INPP5A: variants seen among roughly 807,000 people sequenced by gnomAD.
INPP5A encodes the protein inositol polyphosphate-5-phosphatase A.
A neutral mutation model predicts 65.2 loss-of-function variants in INPP5A; 14 were observed. That is an observed-to-expected ratio of 0.21 (90% CI 0.14 to 0.34). INPP5A has a LOEUF of 0.34. Ranked by LOEUF, INPP5A falls within the 10% of genes least tolerant of loss-of-function variation. INPP5A has a pLI of 1.00. For missense variants in INPP5A, 431 were observed against 545.6 expected (o/e 0.79, Z 2.09); for synonymous variants, 207 against 208.3 (o/e 0.99, Z 0.05).
intron 9 of INPP5A, among the ~76,000 whole-genome samples, chr10:132,740,467 TAGA>T (rs1176741056): frequency 1.2e-4 from 19 of 152,162 alleles, no homozygotes; most frequent in African/African-American, 3.1e-4. Flanking sequence ...TCACCATGAC[TAGA>T]AGAATTATTT....
At chr10:132,778,595 G>A (rs1046060148) in intron 13 of INPP5A, among the ~76,000 whole-genome samples, 12 of 152,178 alleles carry the variant, frequency 7.9e-5, no homozygotes, top group African/African-American at 2.2e-4. Flanking sequence ...GCGGGTGTGC[G>A]TGGGAACTGC....
In INPP5A at chr10:132,749,560, A is replaced by G; in HGVS notation, c.776A>G (p.Asp259Gly). ...KATMQTVRAA[D>G]TNEVVKLIFR... is the part of the protein sequence containing the mutation. The stretch of plus-strand genomic sequence containing the variant: ...ACCATGCAGACGGTCCGGGCCGCCG[A>G]CACCAATGAAGTGGTGAAGCTCATA... The change falls in exon 10 of 16, where the codon GAC (aspartate) becomes GGC (glycine). Residue 259 changes from aspartate to glycine, a missense_variant. By Grantham distance (94) the Asp-to-Gly change is moderately conservative. Transcript: ENST00000368594. The G allele has an allele frequency of 6.2e-7, 1 of 1,612,966 alleles. No homozygotes were observed. Among genetic ancestry groups the G allele is most frequent in the South Asian group, 1.1e-5 (1 of 91,078 alleles).
In INPP5A at chr10:132,729,295, T is replaced by C. The variant is rs150321348; in HGVS notation, c.732+2390T>C. ...ACATCTTCTCCTGCATCACCTGGCCTGCTCCCCTGGCCTCCCTAAGTGCCT... is the reference window on the plus strand; with the variant it reads ...ACATCTTCTCCTGCATCACCTGGCCCGCTCCCCTGGCCTCCCTAAGTGCCT... On this transcript the variant is annotated intron_variant, in intron 9 of 15. Transcript: ENST00000368594. Among the ~76,000 whole-genome samples the C allele has an allele frequency of 2.8e-3, 430 of 152,348 alleles. 7 individuals carry two copies. The highest frequency in any genetic ancestry group is 9.9e-3 in the African/African-American group (411 of 41,584).
At chr10:132,770,727 C>A (rs968712113) in intron 12 of INPP5A, among the ~76,000 whole-genome samples, 17 of 145,352 alleles carry the variant, frequency 1.2e-4, no homozygotes, top group African/African-American at 3.4e-4. Context: ...ACATAAGTAA[C>A]ATTTTTGTGA....
At chr10:132,610,472 C>T (rs1042478887) in intron 2 of INPP5A, among the ~76,000 whole-genome samples, 4 of 152,232 alleles carry the variant, frequency 2.6e-5, no homozygotes, top group African/African-American at 9.6e-5. Context: ...GCTGGACTTC[C>T]CAAGCGAGGT....
intron 4 of INPP5A, among the ~76,000 whole-genome samples, chr10:132,661,166 A>G (rs2072732364): frequency 6.6e-6 from 1 of 152,234 alleles, no homozygotes; most frequent in Admixed American, 6.5e-5. Flanking sequence ...TATGGTTTCA[A>G]AAACACAATC....
intron 12 of INPP5A, among the ~76,000 whole-genome samples, chr10:132,766,065 T>G (rs1258487565): frequency 6.6e-6 from 1 of 151,234 alleles, no homozygotes; most frequent in Non-Finnish European, 1.5e-5. Context: ...CGTATGCGTC[T>G]GTGTGTGTGC....
At chr10:132,755,015 CTGTG>C (rs753941102) in intron 11 of INPP5A, among the ~76,000 whole-genome samples, 8 of 147,262 alleles carry the variant, frequency 5.4e-5, no homozygotes, top group East Asian at 2.1e-4. Context: ...GCATGTGAGC[CTGTG>C]TGAGTATGCG....
At chr10:132,566,046 G>T (rs2071271125) in intron 1 of INPP5A, among the ~76,000 whole-genome samples, 1 of 151,982 alleles carries the variant, frequency 6.6e-6, no homozygotes, top group Non-Finnish European at 1.5e-5. Context: ...GTGTTCTCTG[G>T]GTGTGACTCA....
chr10:132,648,672 T>C (rs1252891886), intron 3 of INPP5A, among the ~76,000 whole-genome samples: 1 of 152,254 alleles, frequency 6.6e-6, no homozygotes, highest in Non-Finnish European at 1.5e-5. Context: ...CAATTTTTTT[T>C]CCTCTCACTA....
chr10:132,713,843 G>A (rs1845693095), intron 8 of INPP5A, among the ~76,000 whole-genome samples: 1 of 152,190 alleles, frequency 6.6e-6, no homozygotes, highest in African/African-American at 2.4e-5. Context: ...ACTGCCCACC[G>A]TAGGGAAGCA....
At chr10:132,720,279 G>C (rs926195837) in intron 8 of INPP5A, among the ~76,000 whole-genome samples, 4 of 149,506 alleles carry the variant, frequency 2.7e-5, no homozygotes, top group African/African-American at 7.4e-5. Flanking sequence ...GTTCTGTCTG[G>C]GTGCCTTAGA....
chr10:132,669,886 C>T (rs959544238), intron 4 of INPP5A, among the ~76,000 whole-genome samples: 1 of 152,008 alleles, frequency 6.6e-6, no homozygotes, highest in Admixed American at 6.5e-5. Flanking sequence ...GGTGACTGCT[C>T]CCTCTCTGTC....
chr10:132,722,265 G>A (rs935907403), intron 8 of INPP5A, among the ~76,000 whole-genome samples: 2 of 152,084 alleles, frequency 1.3e-5, no homozygotes, highest in Admixed American at 6.6e-5. Context: ...TTTCAGCTAC[G>A]GTCGCTTTCA....
At position 132,651,285 on chromosome 10, in the gene INPP5A, C is replaced by T. The variant is rs1045574077; in HGVS notation, c.306+780C>T. ...AGGCCCTGGGTCCCCCGGCCTGGGT[C>T]CATCTCCCCCGTCTCTGGGGAGGCC... is the stretch of plus-strand genomic sequence containing the variant. On this transcript the variant is annotated intron_variant, in intron 4 of 15. Transcript: ENST00000368594. This position sits in a 1 kb window ranked among gnomAD's most constrained non-coding sequence, Gnocchi z 5.0. 4.2e-5 allele frequency among the ~76,000 whole-genome samples: 6 copies of T among 144,038 alleles called. No homozygotes were observed. Among genetic ancestry groups the T allele is most frequent in the Non-Finnish European group, 7.7e-5 (5 of 65,030 alleles). 94.5% of individuals were successfully genotyped at this position (144,038 alleles called of 152,430 possible).
chr10:132,759,956 C>G (rs1376824986), intron 11 of INPP5A, among the ~76,000 whole-genome samples: 1 of 152,222 alleles, frequency 6.6e-6, no homozygotes, highest in African/African-American at 2.4e-5. Flanking sequence ...TGCGGCCTCA[C>G]GACTTCGGTG....
At chr10:132,708,258 G>A (rs544375296) in intron 6 of INPP5A, 55 bp from the exon 7 acceptor site, 22 of 1,522,004 alleles carry the variant, frequency 1.4e-5, no homozygotes, top group South Asian at 4.5e-5. Context: ...TGGGACCCAC[G>A]TGTTGCTCTT....
rs116274995 is a variant in INPP5A at position 132,750,961 on chromosome 10, C to T, written c.903+1116C>T. On this transcript the variant is annotated intron_variant, in intron 11 of 15. Transcript: ENST00000368594. ...AGGTGTCTGTGTGTCAGTTTCCCCT[C>T]GTGGGGTTTGGGGGCTTATGGGTGA... Among the ~76,000 whole-genome samples the T allele has an allele frequency of 3.3e-3, 505 of 152,290 alleles. 3 individuals are homozygous for T. Among genetic ancestry groups the T allele is most frequent in the African/African-American group, 0.011 (452 of 41,572 alleles).
At chr10:132,548,336 G>C (rs1041826275) in intron 1 of INPP5A, among the ~76,000 whole-genome samples, 2 of 152,154 alleles carry the variant, frequency 1.3e-5, no homozygotes, top group African/African-American at 4.8e-5. Flanking sequence ...AGTGGGGCCA[G>C]GGGAAGGGGT....
Sources: allele counts gnomAD v4.1 joint callset (sites outside exome capture counted in the v4.1 genomes callset), GRCh38; gene constraint gnomAD v4.1.1; non-coding constraint Gnocchi (gnomAD v3.1); transcripts MANE v1.5; gene names NCBI Gene and HGNC (gene_info 2026-07-23, HGNC 2026-07-21).